Variants in RNF213 observed in about 807,000 individuals in gnomAD.
The protein encoded by RNF213 is ring finger protein 213.
RNF213 carries 341 observed loss-of-function variants against 514.4 expected under a neutral mutation model. The observed-to-expected ratio is 0.66, with a 90% CI of 0.61 to 0.73. The LOEUF is 0.73. Ranked by LOEUF, RNF213 falls within the 30% of genes least tolerant of loss-of-function variation. The pLI, the probability that RNF213 is intolerant of heterozygous loss-of-function variation, is 0.00. For synonymous variants in RNF213, 2,655 were observed against 2,658.2 expected (o/e 1.00, Z 0.04); for missense variants, 5,767 against 6,615.6 (o/e 0.87, Z 4.45).
intron 20 of RNF213, among the ~76,000 whole-genome samples, chr17:80,331,404 T>TC (rs1319991442): frequency 6.6e-6 from 1 of 151,384 alleles, no homozygotes; most frequent in Non-Finnish European, 1.5e-5. Context: ...TTTTTTTTTT[T>TC]TTGATATGGA....
In RNF213 at chr17:80,332,287, C is replaced by A; in HGVS notation, c.3799C>A (p.His1267Asn). Residue 1267 changes from histidine (H) to asparagine (N), a missense_variant, in exon 21 of 68, where the codon CAC becomes AAC. This residue lies in a region of RNF213 where 516 missense variants were observed against 566.5 expected (regional missense o/e 0.91). Transcript: ENST00000582970. ...TGAGCCCGAAGAAGAATCAGAAAGG[C>A]ACATCCTTGAGCTTGAAGAGGTGTA... Reference protein sequence around the residue: ...LSEPEEESERHILELEEVYDY... With the variant: ...LSEPEEESERNILELEEVYDY... 1 of 1,537,214 alleles carries A rather than the reference C, an allele frequency of 6.5e-7. No individual in the cohort carries two copies. Among genetic ancestry groups the A allele is most frequent in the Non-Finnish European group, 8.7e-7 (1 of 1,146,908 alleles).
intron 2 of RNF213, among the ~76,000 whole-genome samples, chr17:80,265,776 T>G (rs1239182011): frequency 6.6e-6 from 1 of 151,976 alleles, no homozygotes; most frequent in African/African-American, 2.4e-5. Flanking sequence ...GCTGTTAAAG[T>G]GGGGGCACTT....
In RNF213 at chr17:80,346,051, C is replaced by T; in HGVS notation, c.7716C>T (p.Pro2572=). The change falls in exon 29 of 68, where the codon CCC becomes CCT. Residue 2572 remains proline (P), a synonymous_variant. Transcript: ENST00000582970. The surrounding 1 kb of genome is among the most constrained non-coding windows in gnomAD (Gnocchi z 8.1). ...TGGTATACCGGGTCCATGCTCTGCC[C>T]CCGAGCCTGATTCCTCTGGTGTGGG... ...RQLVYRVHAL[P]PSLIPLVWDF... The T allele has an allele frequency of 6.2e-7, 1 of 1,614,160 alleles. No individual in the cohort carries two copies. Among genetic ancestry groups the T allele is most frequent in the Non-Finnish European group, 8.5e-7 (1 of 1,180,040 alleles).
intron 11 of RNF213, among the ~76,000 whole-genome samples, chr17:80,302,495 G>A (rs949368231): frequency 3.9e-5 from 6 of 152,058 alleles, no homozygotes; most frequent in African/African-American, 1.4e-4. Context: ...ATTATGTATT[G>A]TATACATATA....
chr17:80,316,670 T>C (rs2045958621), intron 15 of RNF213: 1 of 231,482 alleles, frequency 4.3e-6, no homozygotes. Context: ...GGCTAGGGTC[T>C]TAGGAGACCC....
intron 22 of RNF213, 180 bp downstream of exon 22, chr17:80,334,450 C>T (rs138136667): frequency 2.4e-4 from 138 of 583,166 alleles, no homozygotes; most frequent in African/African-American, 2.1e-3. Context: ...CACACCGGTA[C>T]AGTATTTCCC....
chr17:80,309,488 G>A (rs1162013235), intron 14 of RNF213, among the ~76,000 whole-genome samples: 3 of 152,182 alleles, frequency 2.0e-5, no homozygotes, highest in African/African-American at 4.8e-5. Context: ...GCAACGCCAC[G>A]CGGAGAAGAC....
chr17:80,324,502 G>C (rs1351976130), intron 17 of RNF213, among the ~76,000 whole-genome samples: 1 of 152,050 alleles, frequency 6.6e-6, no homozygotes, highest in South Asian at 2.1e-4. Flanking sequence ...ATGTCAGAAA[G>C]TATCTATTAT....
chr17:80,349,961 G>A, intron 30 of RNF213, 55 bp downstream of exon 30: 1 of 1,607,634 alleles, frequency 6.2e-7, no homozygotes, highest in East Asian at 2.2e-5. Flanking sequence ...CAGCCGTGTG[G>A]CTTCTGCGTG....
At position 80,293,439 on chromosome 17, in the gene RNF213, A is replaced by G. The variant is rs1049349917; in HGVS notation, c.1472-1281A>G. 5.3e-5 allele frequency among the ~76,000 whole-genome samples: 8 copies of G among 152,312 alleles called. No individual in the cohort carries two copies. The East Asian group carries it at 1.5e-3, about 29-fold the overall frequency. On this transcript the variant is annotated intron_variant, in intron 8 of 67. Coordinates refer to ENST00000582970, the MANE Select transcript of RNF213 (RefSeq NM_001256071.3). ...GAATAGGCATTAGTCCGGTAATTCC[A>G]TATATAAATACATTTAAATATGGAA... is the stretch of plus-strand genomic sequence containing the variant.
intron 2 of RNF213, among the ~76,000 whole-genome samples, chr17:80,265,044 G>GTTTGTT (rs1567986297): frequency 0.34 from 38,025 of 110,294 alleles, 6,280 homozygotes; most frequent in Non-Finnish European, 0.41. Context: ...ATGTTTGTTT[G>GTTTGTT]TTTTTTTTTT....
At chr17:80,367,646 C>T (rs1051876931) in intron 42 of RNF213, 102 bp from the exon 43 acceptor site, 18 of 845,218 alleles carry the variant, frequency 2.1e-5, no homozygotes, top group South Asian at 8.2e-5. Flanking sequence ...CCCACACACA[C>T]GGCGCAGCCT....
chr17:80,316,765 A>G (rs2045961752), intron 15 of RNF213: 1 of 302,330 alleles, frequency 3.3e-6, no homozygotes, highest in African/African-American at 2.2e-5. Flanking sequence ...ATTTGTGCAG[A>G]GTCCGAAGAG....
rs763836806 is a variant in RNF213, at chr17:80,353,555, G to A, written c.10467G>A (p.Met3489Ile). Residue 3489 changes from methionine (M) to isoleucine (I), a missense_variant, in exon 34 of 68, where the codon ATG (methionine) becomes ATA (isoleucine). By Grantham distance (10) the Met-to-Ile change is conservative. Coordinates refer to ENST00000582970, the MANE Select transcript of RNF213 (RefSeq NM_001256071.3). The surrounding 1 kb of genome is among the most constrained non-coding windows in gnomAD (Gnocchi z 5.0). The stretch of plus-strand genomic sequence containing the variant: ...CGGAAGACGGCCATGAGGAGGCGAT[G>A]GAGACGGAGGCCAGCACATCAGGGG... ...HRAEDGHEEA[M>I]ETEASTSGEV... 1 of 1,613,814 alleles carries A rather than the reference G, an allele frequency of 6.2e-7. No homozygotes were observed.
chr17:80,371,604 A>G (rs538301502), intron 46 of RNF213: 58 of 291,798 alleles, frequency 2.0e-4, no homozygotes, highest in Non-Finnish European at 3.1e-4. Context: ...TATAACCCAC[A>G]TAAAAGCTCT....
intron 61 of RNF213, 81 bp from the exon 62 acceptor site, chr17:80,386,169 T>C: frequency 1.4e-6 from 2 of 1,390,288 alleles, no homozygotes; most frequent in Middle Eastern, 1.8e-4. Context: ...GCTGATGGCT[T>C]CTGCATCCCT....
intron 38 of RNF213, among the ~76,000 whole-genome samples, chr17:80,361,204 CTG>C (rs2079043037): frequency 1.3e-5 from 2 of 152,222 alleles, no homozygotes; most frequent in South Asian, 4.1e-4. Flanking sequence ...AAATTTGACA[CTG>C]TTTCCGCCTT....
Position 80,386,877 on chromosome 17 carries a change from C to G in RNF213, c.14908C>G (p.Arg4970Gly). 6.2e-7 allele frequency: 1 copy of G among 1,612,642 alleles called. No individual in the cohort carries two copies. Among genetic ancestry groups the G allele is most frequent in the Non-Finnish European group, 8.5e-7 (1 of 1,179,658 alleles). ...CAGCCGCTTCCTCCAGGGCAAGCCC[C>G]GGCTGAGCCTCAAGGTAGGGCTGAC... Reference protein sequence around the residue: ...IVSRFLQGKPRLSLKGIPTLV... With the variant: ...IVSRFLQGKPGLSLKGIPTLV... Residue 4970 changes from arginine to glycine, a missense_variant, in exon 63 of 68, where the codon CGG becomes GGG. Around this residue, in one of 13 missense-constraint regions of RNF213, gnomAD observed 1,245 missense variants for 1,339.0 expected, o/e 0.93. Transcript: ENST00000582970.
chr17:80,385,303 T>A, intron 60 of RNF213, 132 bp downstream of exon 60: 1 of 1,179,740 alleles, frequency 8.5e-7, no homozygotes, highest in Non-Finnish European at 1.2e-6. Flanking sequence ...GCCCTTACCA[T>A]GCGGTGAAGG....
Sources: allele counts gnomAD v4.1 joint callset (sites outside exome capture counted in the v4.1 genomes callset), GRCh38; gene constraint gnomAD v4.1.1; regional missense constraint gnomAD v4.1.1; non-coding constraint Gnocchi (gnomAD v3.1); transcripts MANE v1.5; gene names NCBI Gene and HGNC (gene_info 2026-07-23, HGNC 2026-07-21).